Variants in SCFD2 observed in about 807,000 individuals in gnomAD.
The protein encoded by SCFD2 is sec1 family domain containing 2.
A neutral mutation model predicts 58.9 loss-of-function variants in SCFD2; 54 were observed. The ratio of observed to expected loss-of-function variants is 0.92; its 90% CI spans 0.74 to 1.15. The LOEUF is 1.15. SCFD2 is among the 50% of genes most tolerant of loss of function. The probability of loss-of-function intolerance (pLI) is 0.00; values close to 1 mark genes in which losing one functional copy is unlikely to be tolerated. For missense variants in SCFD2, 805 were observed against 836.6 expected (o/e 0.96, Z 0.47); for synonymous variants, 321 against 335.9 (o/e 0.96, Z 0.49).
intron 3 of SCFD2, among the ~76,000 whole-genome samples, chr4:53,298,252 C>T (rs1050714607): frequency 6.6e-6 from 1 of 152,196 alleles, no homozygotes; most frequent in Non-Finnish European, 1.5e-5. Context: ...CACCCTAATA[C>T]TGTGCTTTTC....
intron 5 of SCFD2, among the ~76,000 whole-genome samples, chr4:52,934,779 G>A (rs547467403): frequency 6.6e-6 from 1 of 152,334 alleles, no homozygotes; most frequent in African/African-American, 2.4e-5. Context: ...ATTTATAATA[G>A]TGAAAAACTG....
intron 3 of SCFD2, among the ~76,000 whole-genome samples, chr4:53,285,412 C>A (rs1314847296): frequency 6.6e-6 from 1 of 151,894 alleles, no homozygotes; most frequent in Non-Finnish European, 1.5e-5. Flanking sequence ...TAAATTCCCA[C>A]CTACAGTCAT....
intron 5 of SCFD2, among the ~76,000 whole-genome samples, chr4:53,107,140 C>G (rs1469613586): frequency 6.6e-6 from 1 of 152,050 alleles, no homozygotes; most frequent in Non-Finnish European, 1.5e-5. Flanking sequence ...TTCATAAGCA[C>G]AGGAGAAATA....
rs1727589579 is a variant in SCFD2 at position 53,182,296 on chromosome 4, A to G, written c.1312-36714T>C. ...ACCAAAACAGCGTGGTACTGGTACC[A>G]AAACAGAGATATAGACCAATGGAAC... On this transcript the variant is annotated intron_variant, in intron 4 of 8. Transcript: ENST00000401642. Among the ~76,000 whole-genome samples the G allele has an allele frequency of 3.3e-5, 5 of 152,326 alleles. No individual in the cohort carries two copies. In the South Asian group the frequency reaches 1.0e-3, roughly 32 times the overall value.
chr4:53,024,849 G>A (rs1489205311), intron 5 of SCFD2, among the ~76,000 whole-genome samples: 2 of 151,886 alleles, frequency 1.3e-5, no homozygotes, highest in Non-Finnish European at 1.5e-5. Flanking sequence ...ATTATCGCAG[G>A]GCCCAAGCAT....
chr4:53,338,281 CAAGA>C (rs1386181367), intron 2 of SCFD2, among the ~76,000 whole-genome samples: 1 of 152,098 alleles, frequency 6.6e-6, no homozygotes, highest in Non-Finnish European at 1.5e-5. Context: ...CAGAAGAAGA[CAAGA>C]AAGAGAAGGA....
chr4:53,194,042 G>A (rs1727988777), intron 4 of SCFD2, among the ~76,000 whole-genome samples: 1 of 152,084 alleles, frequency 6.6e-6, no homozygotes, highest in Non-Finnish European at 1.5e-5. Flanking sequence ...CTTTCTATTG[G>A]CTTCCTACTA....
At chr4:52,877,101 G>A (rs1050674949) in intron 8 of SCFD2, among the ~76,000 whole-genome samples, 3 of 152,232 alleles carry the variant, frequency 2.0e-5, no homozygotes, top group African/African-American at 7.2e-5. Context: ...GACTTCCAGA[G>A]CAGCAATAAC....
intron 5 of SCFD2, among the ~76,000 whole-genome samples, chr4:53,025,960 T>TATC (rs10653601): frequency 0.97 from 147,979 of 152,238 alleles, 72,045 homozygotes; most frequent in Middle Eastern, 1. Flanking sequence ...ATTATGTTCT[T>TATC]ATGTACTTTC....
intron 5 of SCFD2, among the ~76,000 whole-genome samples, chr4:53,046,392 T>C (rs369803629): frequency 2.0e-5 from 3 of 151,866 alleles, no homozygotes; most frequent in East Asian, 3.9e-4. Flanking sequence ...TTCTGTACTT[T>C]TTTGTAGAGA....
At chr4:53,262,124 C>T (rs1730847140) in intron 4 of SCFD2, among the ~76,000 whole-genome samples, 1 of 152,086 alleles carries the variant, frequency 6.6e-6, no homozygotes, top group African/African-American at 2.4e-5. Context: ...CACCCCTTTA[C>T]CTTAAGTTTA....
intron 5 of SCFD2, among the ~76,000 whole-genome samples, chr4:53,020,690 C>T (rs764573189): frequency 6.6e-6 from 1 of 152,134 alleles, no homozygotes; most frequent in East Asian, 1.9e-4. Flanking sequence ...GCCTCCCCTG[C>T]AAATAGGAAG....
At chr4:53,270,687 G>A (rs1382161332) in intron 4 of SCFD2, among the ~76,000 whole-genome samples, 2 of 152,128 alleles carry the variant, frequency 1.3e-5, no homozygotes, top group Non-Finnish European at 2.9e-5. Context: ...CACTATTCAC[G>A]AGTCAAGATA....
chr4:52,982,089 T>A (rs774934593), intron 5 of SCFD2, among the ~76,000 whole-genome samples: 5 of 152,172 alleles, frequency 3.3e-5, no homozygotes, highest in Admixed American at 6.5e-5. Context: ...TGGTACTGTT[T>A]ATAAGCTGGA....
At chr4:52,882,480 T>C (rs1216100095) in intron 8 of SCFD2, among the ~76,000 whole-genome samples, 1 of 152,130 alleles carries the variant, frequency 6.6e-6, no homozygotes, top group African/African-American at 2.4e-5. Flanking sequence ...GGTATGTCTG[T>C]GAAGGTGTTG....
At chr4:53,327,879 G>T (rs1356682052) in intron 2 of SCFD2, among the ~76,000 whole-genome samples, 3 of 152,102 alleles carry the variant, frequency 2.0e-5, no homozygotes, top group Admixed American at 1.3e-4. Context: ...GGGTGCAGTG[G>T]CCTCACTTTG....
chr4:53,203,345 AG>A (rs1306962012), intron 4 of SCFD2, among the ~76,000 whole-genome samples: 1 of 151,916 alleles, frequency 6.6e-6, no homozygotes, highest in Admixed American at 6.6e-5. Flanking sequence ...TAAAAAGAGA[AG>A]GCATAATCAG....
chr4:52,977,117 C>T (rs892303604), intron 5 of SCFD2, among the ~76,000 whole-genome samples: 2 of 152,116 alleles, frequency 1.3e-5, no homozygotes, highest in Non-Finnish European at 2.9e-5. Context: ...GCAAATTCTA[C>T]TTTGAACAAT....
At chr4:53,283,253 T>C (rs1731560899) in intron 3 of SCFD2, among the ~76,000 whole-genome samples, 1 of 152,190 alleles carries the variant, frequency 6.6e-6, no homozygotes, top group African/African-American at 2.4e-5. Flanking sequence ...GAATCCTACA[T>C]ATGCATTTTT....
Sources: allele counts gnomAD v4.1 joint callset (sites outside exome capture counted in the v4.1 genomes callset), GRCh38; gene constraint gnomAD v4.1.1; transcripts MANE v1.5; gene names NCBI Gene and HGNC (gene_info 2026-07-23, HGNC 2026-07-21).